The following MEF2A variants were observed in gnomAD, a reference collection of about 807,000 sequenced individuals.
MEF2A encodes myocyte enhancer factor 2A, also known as myocyte-specific enhancer factor 2A.
MEF2A carries 28 observed loss-of-function variants against 55.8 expected under a neutral mutation model. The observed-to-expected ratio is 0.50, with a 90% CI of 0.37 to 0.69. MEF2A has a LOEUF of 0.69. MEF2A is among the 30% of genes least tolerant of loss of function. MEF2A has a pLI of 0.00. For synonymous variants in MEF2A, 239 were observed against 227.1 expected, an observed-to-expected ratio of 1.05 and a Z score of -0.47; for missense variants, 528 against 626.2, an observed-to-expected ratio of 0.84 and a Z score of 1.67.
chr15:99,566,497 G>A (rs1381833117), intron 1 of MEF2A: 3 of 151,662 alleles, frequency 2.0e-5, no homozygotes, highest in Admixed American at 2.0e-4. Context: ...GCGCGGGCTG[G>A]TGGCGAGCAG....
At chr15:99,582,398 T>TTTCCTTTCAAG (rs1283013234) in intron 1 of MEF2A, among the ~76,000 whole-genome samples, 6 of 152,098 alleles carry the variant, frequency 3.9e-5, no homozygotes, top group African/African-American at 1.4e-4. Flanking sequence ...GGCCAGACTG[T>TTTCCTTTCAAG]GCTGTCCTTG....
rs2058856930 is a variant in MEF2A at position 99,713,381 on chromosome 15, T to C, written c.*610T>C. The C allele has an allele frequency of 5.2e-6, 1 of 192,970 alleles. No homozygotes were observed. Among genetic ancestry groups the C allele is most frequent in the South Asian group, 1.9e-4 (1 of 5,182 alleles). 12.0% of individuals were successfully genotyped at this position (192,970 alleles called of 1,614,324 possible). On this transcript the variant is annotated 3_prime_UTR_variant, in exon 12 of 12. Coordinates refer to ENST00000557942, the MANE Select transcript of MEF2A (RefSeq NM_001319206.4). ...TAACTGTTTTGCACGTGCAAAAATG[T>C]ATTGGGTCAAGAAGTGATCTTTAGC... is the stretch of plus-strand genomic sequence containing the variant.
At chr15:99,571,863 C>T (rs548403201) in intron 1 of MEF2A, among the ~76,000 whole-genome samples, 1 of 152,302 alleles carries the variant, frequency 6.6e-6, no homozygotes, top group Admixed American at 6.5e-5. Flanking sequence ...TCCATCCCCA[C>T]GTCCTGTTGC....
At chr15:99,576,439 T>C (rs988556462) in intron 1 of MEF2A, among the ~76,000 whole-genome samples, 2 of 152,154 alleles carry the variant, frequency 1.3e-5, no homozygotes, top group Admixed American at 6.5e-5. Flanking sequence ...CGTGGTTGAT[T>C]TGTCTCGAAC....
At chr15:99,674,691 T>C in intron 6 of MEF2A, 79 bp downstream of exon 6, 1 of 1,202,568 alleles carries the variant, frequency 8.3e-7, no homozygotes, top group East Asian at 2.3e-5. Flanking sequence ...CAGTTTCTTA[T>C]TTTGCTATTC....
intron 2 of MEF2A, among the ~76,000 whole-genome samples, chr15:99,602,414 A>G (rs761757809): frequency 2.8e-4 from 43 of 152,040 alleles, no homozygotes; most frequent in African/African-American, 8.0e-4. Flanking sequence ...TAACAGTCCA[A>G]TGTCCCTAGG....
At position 99,652,477 on chromosome 15, in the gene MEF2A, G is replaced by A. The variant is rs142878442; in HGVS notation, c.258+6713G>A. 1.1e-4 allele frequency among the ~76,000 whole-genome samples: 16 copies of A among 152,256 alleles called. No homozygotes were observed. The East Asian group carries it at 3.1e-3, about 29-fold the overall frequency. On this transcript the variant is annotated intron_variant, in intron 4 of 11. Coordinates refer to ENST00000557942, the MANE Select transcript of MEF2A (RefSeq NM_001319206.4). ...GGGGTTAGGGACCCTTGCTTTAAAG[G>A]TTATGGTAGGTGGAAAACAAAGATG... is the stretch of plus-strand genomic sequence containing the variant.
chr15:99,659,046 GTATT>G (rs2048204478), intron 4 of MEF2A, among the ~76,000 whole-genome samples: 1 of 152,000 alleles, frequency 6.6e-6, no homozygotes, highest in Non-Finnish European at 1.5e-5. Context: ...GCAAATTAAG[GTATT>G]TATTCAGTAA....
intron 2 of MEF2A, among the ~76,000 whole-genome samples, chr15:99,615,807 G>T (rs997114666): frequency 2.0e-5 from 3 of 152,174 alleles, no homozygotes; most frequent in Non-Finnish European, 2.9e-5. Flanking sequence ...ACTACACGTT[G>T]TACTATAGGT....
At chr15:99,601,565 G>GT (rs1386173997) in intron 2 of MEF2A, among the ~76,000 whole-genome samples, 3 of 129,096 alleles carry the variant, frequency 2.3e-5, no homozygotes, top group African/African-American at 8.4e-5. Flanking sequence ...TTGGCCAAAT[G>GT]TTTTTTCTGC....
chr15:99,577,501 T>G (rs1964678825), intron 1 of MEF2A, among the ~76,000 whole-genome samples: 2 of 152,174 alleles, frequency 1.3e-5, no homozygotes, highest in Admixed American at 6.5e-5. Flanking sequence ...AGAGTACACA[T>G]CTGCAAGGGT....
intron 2 of MEF2A, among the ~76,000 whole-genome samples, chr15:99,630,903 A>G (rs2042846442): frequency 1.3e-5 from 2 of 152,126 alleles, no homozygotes; most frequent in Admixed American, 1.3e-4. Context: ...GTCCGCCCAC[A>G]GGTCTCTTGA....
chr15:99,639,634 C>T (rs2044526983), intron 3 of MEF2A, among the ~76,000 whole-genome samples: 1 of 152,124 alleles, frequency 6.6e-6, no homozygotes. Flanking sequence ...TCAGCTTTAC[C>T]ATGTTTTCAA....
chr15:99,663,246 A>G (rs1452615271), intron 4 of MEF2A, among the ~76,000 whole-genome samples: 2 of 152,198 alleles, frequency 1.3e-5, no homozygotes, highest in Non-Finnish European at 2.9e-5. Context: ...AAGAGCCCAT[A>G]TGCTTTAAAT....
chr15:99,661,147 A>G (rs967667557), intron 4 of MEF2A, among the ~76,000 whole-genome samples: 6 of 152,184 alleles, frequency 3.9e-5, no homozygotes, highest in African/African-American at 1.4e-4. Flanking sequence ...AAGCAGTGGT[A>G]TAGGGACAAT....
chr15:99,566,386 C>T (rs1368171728), intron 1 of MEF2A: 2 of 98,666 alleles, frequency 2.0e-5, no homozygotes, highest in African/African-American at 7.9e-5. Flanking sequence ...GGGGTCGGCG[C>T]TGAGGAGCTA....
chr15:99,577,346 A>G (rs2152806944), intron 1 of MEF2A, among the ~76,000 whole-genome samples: 1 of 152,268 alleles, frequency 6.6e-6, no homozygotes, highest in East Asian at 1.9e-4. Context: ...TCACAGTTTG[A>G]AATAACTGGT....
intron 1 of MEF2A, among the ~76,000 whole-genome samples, chr15:99,588,252 G>T (rs1968038545): frequency 6.6e-6 from 1 of 151,926 alleles, no homozygotes; most frequent in South Asian, 2.1e-4. Context: ...AAGTATTTGG[G>T]ACCACAGGCG....
At chr15:99,679,634 C>T (rs941488270) in intron 7 of MEF2A, among the ~76,000 whole-genome samples, 9 of 152,086 alleles carry the variant, frequency 5.9e-5, no homozygotes, top group African/African-American at 1.9e-4. Flanking sequence ...TTTTAGGGGG[C>T]CCAATTATGG....
Sources: allele counts gnomAD v4.1 joint callset (sites outside exome capture counted in the v4.1 genomes callset), GRCh38; gene constraint gnomAD v4.1.1; transcripts MANE v1.5; gene names NCBI Gene and HGNC (gene_info 2026-07-23, HGNC 2026-07-21).